ZSWIM5: variants seen among roughly 807,000 people sequenced by gnomAD.
ZSWIM5 encodes zinc finger SWIM-type containing 5.
ZSWIM5 carries 55 observed loss-of-function variants against 119.6 expected under a neutral mutation model. That is an observed-to-expected ratio of 0.46 (90% CI 0.37 to 0.58). ZSWIM5 has a LOEUF of 0.58. ZSWIM5 is among the 20% of genes least tolerant of loss of function. The probability of loss-of-function intolerance (pLI) is 0.00; values close to 1 mark genes in which losing one functional copy is unlikely to be tolerated. For missense variants in ZSWIM5, 1,193 were observed against 1,512.8 expected (o/e 0.79, Z 3.51); for synonymous variants, 537 against 606.9 (o/e 0.88, Z 1.69).
intron 1 of ZSWIM5, among the ~76,000 whole-genome samples, chr1:45,092,715 A>C (rs113108123): frequency 6.6e-6 from 1 of 152,364 alleles, no homozygotes; most frequent in Non-Finnish European, 1.5e-5. Flanking sequence ...TAATATTTAC[A>C]ATCAGTTGAC....
At chr1:45,204,773 C>T (rs17394390) in intron 1 of ZSWIM5, among the ~76,000 whole-genome samples, 11,010 of 152,078 alleles carry the variant, frequency 0.072, 492 homozygotes, top group Non-Finnish European at 0.1. Context: ...CAATAAAACG[C>T]ATAAAGATAT....
chr1:45,054,653 T>A (rs977630264), intron 4 of ZSWIM5, among the ~76,000 whole-genome samples: 3 of 139,202 alleles, frequency 2.2e-5, no homozygotes, highest in Non-Finnish European at 5.0e-5. Context: ...GAAATTAAAA[T>A]TTTACGTAAT....
intron 1 of ZSWIM5, among the ~76,000 whole-genome samples, chr1:45,167,114 C>T (rs1251268567): frequency 6.6e-6 from 1 of 151,940 alleles, no homozygotes; most frequent in Admixed American, 6.6e-5. Context: ...GGTACTGGTA[C>T]CAAAACAGAG....
intron 1 of ZSWIM5, among the ~76,000 whole-genome samples, chr1:45,176,548 A>G (rs1645982996): frequency 6.6e-6 from 1 of 152,150 alleles, no homozygotes; most frequent in South Asian, 2.1e-4. Flanking sequence ...TACAGGCATG[A>G]GCCACCGCGC....
Position 45,087,986 on chromosome 1 carries a change from A to G in ZSWIM5, c.847T>C (p.Phe283Leu). ...TGTGCCGTGATTAAATATTGAATAA[A>G]CTTTTGTAGCTGGTCCCTATTCATC... ...FQMNRDQLQK[F>L]IQYLITAHHT... Residue 283 changes from phenylalanine to leucine, a missense_variant, in exon 2 of 14, where the codon TTT (phenylalanine) becomes CTT (leucine). This residue lies in a region of ZSWIM5 where 961 missense variants were observed against 1,290.0 expected (regional missense o/e 0.74). Coordinates refer to ENST00000359600, the MANE Select transcript of ZSWIM5 (RefSeq NM_020883.2). The G allele has an allele frequency of 6.2e-7, 1 of 1,614,202 alleles. No individual in the cohort carries two copies. The highest frequency in any genetic ancestry group is 1.1e-5 in the South Asian group (1 of 91,090).
At chr1:45,069,769 A>G (rs1380571748) in intron 2 of ZSWIM5, among the ~76,000 whole-genome samples, 1 of 152,232 alleles carries the variant, frequency 6.6e-6, no homozygotes, top group African/African-American at 2.4e-5. Flanking sequence ...TCAGCAGGAA[A>G]AAAAAATACT....
At chr1:45,107,768 G>A (rs1477407126) in intron 1 of ZSWIM5, among the ~76,000 whole-genome samples, 2 of 151,754 alleles carry the variant, frequency 1.3e-5, no homozygotes, top group East Asian at 3.9e-4. Flanking sequence ...CTGCAGATCA[G>A]ATGCCTCCTT....
intron 7 of ZSWIM5, 144 bp from the exon 8 acceptor site, chr1:45,039,217 G>A (rs774717927): frequency 6.5e-5 from 68 of 1,049,734 alleles, no homozygotes; most frequent in African/African-American, 1.4e-4. Context: ...GGGTTGATAC[G>A]GCTGGCCACA....
At chr1:45,148,199 AAAT>A (rs1645774566) in intron 1 of ZSWIM5, among the ~76,000 whole-genome samples, 2 of 152,216 alleles carry the variant, frequency 1.3e-5, no homozygotes, top group African/African-American at 4.8e-5. Context: ...AAAAGAGAAA[AAAT>A]AATGTTACAT....
At chr1:45,183,327 C>T (rs1465766478) in intron 1 of ZSWIM5, among the ~76,000 whole-genome samples, 1 of 151,556 alleles carries the variant, frequency 6.6e-6, no homozygotes, top group African/African-American at 2.4e-5. Context: ...CCTAACATCA[C>T]AATTAAAAGA....
intron 1 of ZSWIM5, among the ~76,000 whole-genome samples, chr1:45,131,123 T>C (rs536867988): frequency 2.0e-5 from 3 of 152,278 alleles, no homozygotes; most frequent in Admixed American, 6.5e-5. Context: ...AGTATAGCTA[T>C]AAAGTAACAA....
intron 1 of ZSWIM5, among the ~76,000 whole-genome samples, chr1:45,160,448 C>T (rs1207501879): frequency 6.6e-6 from 1 of 152,124 alleles, no homozygotes; most frequent in Non-Finnish European, 1.5e-5. Context: ...TGTACTCCTC[C>T]CAGCCTCTGG....
intron 1 of ZSWIM5, among the ~76,000 whole-genome samples, chr1:45,165,167 CA>C (rs1483085341): frequency 1.3e-5 from 2 of 152,224 alleles, no homozygotes; most frequent in East Asian, 3.9e-4. Context: ...CAAACTCACT[CA>C]AAACCGCTCG....
chr1:45,019,199 A>G lies in ZSWIM5; in HGVS notation c.2813T>C (p.Leu938Pro). Residue 938 changes from leucine (L) to proline (P), a missense_variant, in exon 14 of 14, where the codon CTT (leucine) becomes CCT (proline). Physicochemically the swap from Leu to Pro is moderately conservative, Grantham distance 98. This residue lies in a region of ZSWIM5 where 961 missense variants were observed against 1,290.0 expected (regional missense o/e 0.74). Coordinates refer to ENST00000359600, the MANE Select transcript of ZSWIM5 (RefSeq NM_020883.2). This position sits in a 1 kb window ranked among gnomAD's most constrained non-coding sequence, Gnocchi z 5.0. ...CAGTTCCTCCCGCTGTGGATAGTCA[A>G]GACTGAGGCGCAGGATAGTGGTGTG... is the stretch of plus-strand genomic sequence containing the variant. ...VSHTTILRLS[L>P]DYPQREELAS... The G allele has an allele frequency of 6.2e-7, 1 of 1,613,666 alleles. No individual in the cohort carries two copies. Among genetic ancestry groups the G allele is most frequent in the Non-Finnish European group, 8.5e-7 (1 of 1,180,030 alleles).
At chr1:45,183,219 T>C (rs1329093586) in intron 1 of ZSWIM5, among the ~76,000 whole-genome samples, 9 of 150,146 alleles carry the variant, frequency 6.0e-5, no homozygotes, top group Non-Finnish European at 3.0e-5. Flanking sequence ...AGACACAACA[T>C]ACCAGAATCT....
chr1:45,157,262 C>G (rs552810726), intron 1 of ZSWIM5, among the ~76,000 whole-genome samples: 1 of 152,214 alleles, frequency 6.6e-6, no homozygotes, highest in East Asian at 1.9e-4. Flanking sequence ...GCAGCCTCGA[C>G]CTCCTGGGCT....
intron 1 of ZSWIM5, among the ~76,000 whole-genome samples, chr1:45,099,696 T>G (rs931088695): frequency 2.0e-4 from 30 of 152,082 alleles, no homozygotes; most frequent in Non-Finnish European, 4.3e-4. Flanking sequence ...AAAGCTTATC[T>G]ACCATGATCA....
At chr1:45,034,889 C>T (rs1441628196) in intron 10 of ZSWIM5, among the ~76,000 whole-genome samples, 1 of 152,100 alleles carries the variant, frequency 6.6e-6, no homozygotes, top group Non-Finnish European at 1.5e-5. Context: ...TCAAGCGATC[C>T]TCCCACCTCA....
intron 1 of ZSWIM5, among the ~76,000 whole-genome samples, chr1:45,154,518 G>C (rs1057119450): frequency 6.6e-6 from 1 of 152,160 alleles, no homozygotes; most frequent in Non-Finnish European, 1.5e-5. Flanking sequence ...AACAAATGGT[G>C]CTGGGATAAT....
Sources: allele counts gnomAD v4.1 joint callset (sites outside exome capture counted in the v4.1 genomes callset), GRCh38; gene constraint gnomAD v4.1.1; regional missense constraint gnomAD v4.1.1; non-coding constraint Gnocchi (gnomAD v3.1); transcripts MANE v1.5; gene names NCBI Gene and HGNC (gene_info 2026-07-23, HGNC 2026-07-21).